Variants in DOCK3 observed in about 807,000 individuals in gnomAD.
DOCK3 encodes dedicator of cytokinesis 3.
In DOCK3, 60 loss-of-function variants were observed where a neutral mutation model predicts 265.6. That is an observed-to-expected ratio of 0.23 (90% CI 0.18 to 0.28). The LOEUF is 0.28. Among genes scored for constraint, DOCK3 ranks in the 10% least tolerant of loss-of-function variants. DOCK3 has a pLI of 1.00. For missense variants in DOCK3, 1,981 were observed against 2,594.3 expected (o/e 0.76, Z 5.14); for synonymous variants, 881 against 938.0 (o/e 0.94, Z 1.11).
chr3:50,729,758 T>G (rs1342321640), intron 1 of DOCK3, among the ~76,000 whole-genome samples: 1 of 151,892 alleles, frequency 6.6e-6, no homozygotes, highest in Admixed American at 6.6e-5. Context: ...TGGCCTCAAG[T>G]GATCCTCTCA....
At chr3:51,335,919 G>GTT in intron 35 of DOCK3, among the ~76,000 whole-genome samples, 1 of 151,676 alleles carries the variant, frequency 6.6e-6, no homozygotes, top group Non-Finnish European at 1.5e-5. Flanking sequence ...TTTAGCCGGG[G>GTT]AGGTCGAGGA....
chr3:50,822,360 A>G (rs2044490800), intron 2 of DOCK3, among the ~76,000 whole-genome samples: 1 of 151,110 alleles, frequency 6.6e-6, no homozygotes, highest in Non-Finnish European at 1.5e-5. Flanking sequence ...TCGATTTTGT[A>G]TCCTTAAACT....
intron 5 of DOCK3, among the ~76,000 whole-genome samples, chr3:51,053,118 T>G (rs1216124300): frequency 1.6e-5 from 2 of 121,682 alleles, no homozygotes; most frequent in African/African-American, 5.9e-5. Context: ...TATATATATA[T>G]ATATGGATTT....
chr3:50,968,470 G>A (rs1373511320), intron 5 of DOCK3, among the ~76,000 whole-genome samples: 1 of 151,832 alleles, frequency 6.6e-6, no homozygotes, highest in Non-Finnish European at 1.5e-5. Context: ...TCATTTATTT[G>A]TATAGTTTAT....
At chr3:51,260,581 C>T (rs2079798548) in intron 23 of DOCK3, among the ~76,000 whole-genome samples, 1 of 152,194 alleles carries the variant, frequency 6.6e-6, no homozygotes, top group Non-Finnish European at 1.5e-5. Flanking sequence ...TGTGAACAGT[C>T]TTTAGACCAA....
At chr3:51,355,166 T>TGTGTGCTAAGCAATG in intron 41 of DOCK3, 143 bp downstream of exon 41, 1 of 1,199,536 alleles carries the variant, frequency 8.3e-7, no homozygotes, top group Non-Finnish European at 1.1e-6. Flanking sequence ...CCTCATTGCT[T>TGTGTGCTAAGCAATG]AGCACACACT....
intron 2 of DOCK3, among the ~76,000 whole-genome samples, chr3:50,793,624 C>T (rs2108621283): frequency 6.6e-6 from 1 of 152,250 alleles, no homozygotes; most frequent in East Asian, 1.9e-4. Flanking sequence ...TCCCAAAGTG[C>T]TGGGATTACA....
intron 32 of DOCK3, among the ~76,000 whole-genome samples, chr3:51,326,371 C>T (rs2084114285): frequency 6.6e-6 from 1 of 151,478 alleles, no homozygotes; most frequent in East Asian, 1.9e-4. Context: ...AGTGATTCTC[C>T]TGCCTCAGCC....
Position 51,229,582 on chromosome 3 carries a change from G to C in DOCK3, c.1890G>C (p.Arg630=). The C allele has an allele frequency of 6.2e-7, 1 of 1,606,248 alleles. No homozygotes were observed. Among genetic ancestry groups the C allele is most frequent in the Non-Finnish European group, 8.5e-7 (1 of 1,176,128 alleles). The change falls in exon 19 of 53, where the codon CGG becomes CGC. Residue 630 remains arginine, a synonymous_variant. Coordinates refer to ENST00000266037, the MANE Select transcript of DOCK3 (RefSeq NM_004947.5). ...DRIMDVLGRL[R]HVSGEEIVKF... ...TCATGGATGTACTAGGGCGGCTGCGGCATGTCAGTGGGGAGGAAATTGTTA... is the reference window on the plus strand; with the variant it reads ...TCATGGATGTACTAGGGCGGCTGCGCCATGTCAGTGGGGAGGAAATTGTTA...
intron 9 of DOCK3, among the ~76,000 whole-genome samples, chr3:51,097,646 G>A (rs1035273037): frequency 8.5e-5 from 13 of 152,348 alleles, no homozygotes; most frequent in African/African-American, 2.6e-4. Context: ...CGCTCCAGGC[G>A]CCACTGGGGT....
intron 10 of DOCK3, among the ~76,000 whole-genome samples, chr3:51,149,356 A>G (rs4257581): frequency 0.91 from 138,746 of 152,170 alleles, 63,400 homozygotes; most frequent in African/African-American, 0.95. Flanking sequence ...GATTGCCCTG[A>G]CCAGAACTTC....
intron 22 of DOCK3, among the ~76,000 whole-genome samples, chr3:51,247,176 T>C (rs1205456055): frequency 6.6e-6 from 1 of 152,226 alleles, no homozygotes; most frequent in Non-Finnish European, 1.5e-5. Context: ...TTCTCTTTTT[T>C]GGTAGTTACT....
intron 2 of DOCK3, among the ~76,000 whole-genome samples, chr3:50,805,785 C>A (rs1028368226): frequency 1.3e-5 from 2 of 152,128 alleles, no homozygotes; most frequent in Non-Finnish European, 2.9e-5. Flanking sequence ...CTCAGCTTTC[C>A]TGGGTGCATG....
intron 1 of DOCK3, among the ~76,000 whole-genome samples, chr3:50,701,669 G>A (rs1010642892): frequency 1.3e-5 from 2 of 152,154 alleles, no homozygotes; most frequent in African/African-American, 4.8e-5. Flanking sequence ...GTAGACCAAT[G>A]TTTTCTTTTA....
chr3:51,119,267 C>G (rs982142011), intron 9 of DOCK3, among the ~76,000 whole-genome samples: 1 of 151,848 alleles, frequency 6.6e-6, no homozygotes, highest in African/African-American at 2.4e-5. Flanking sequence ...GAAAATTCTT[C>G]TCTTTAAGAA....
At chr3:51,264,781 C>T (rs372422044) in intron 23 of DOCK3, among the ~76,000 whole-genome samples, 36 of 150,996 alleles carry the variant, frequency 2.4e-4, no homozygotes, top group East Asian at 5.8e-4. Flanking sequence ...GAGCCAAGAT[C>T]GCGCCACCAC....
At chr3:51,341,991 C>T (rs111807267) in intron 38 of DOCK3, among the ~76,000 whole-genome samples, 3,210 of 152,298 alleles carry the variant, frequency 0.021, 40 homozygotes, top group Non-Finnish European at 0.031. Flanking sequence ...CTCTGTGTGG[C>T]GCCCTCTGAC....
At chr3:51,363,819 T>C (rs991899377) in intron 49 of DOCK3, among the ~76,000 whole-genome samples, 1 of 152,222 alleles carries the variant, frequency 6.6e-6, no homozygotes, top group Admixed American at 6.5e-5. Flanking sequence ...CATGAACTCA[T>C]CCTTTTTTAT....
At chr3:51,024,557 A>G (rs934495504) in intron 5 of DOCK3, among the ~76,000 whole-genome samples, 5 of 152,346 alleles carry the variant, frequency 3.3e-5, no homozygotes, top group South Asian at 2.1e-4. Flanking sequence ...CTGCTAGGCC[A>G]GCAGAAAAGC....
Sources: gnomAD v4.1 joint callset for allele counts (sites outside exome capture counted in the v4.1 genomes callset) on GRCh38, gnomAD v4.1.1 for gene constraint, MANE v1.5 for transcripts, NCBI Gene and HGNC (gene_info 2026-07-23, HGNC 2026-07-21) for gene names.